ASPSCR1: variants seen among roughly 807,000 people sequenced by gnomAD.
The protein encoded by ASPSCR1 is tether containing UBX domain for GLUT4.
A neutral mutation model predicts 68.9 loss-of-function variants in ASPSCR1; 55 were observed. The ratio of observed to expected loss-of-function variants is 0.80; its 90% CI spans 0.64 to 1.00. The LOEUF is 1.00. Among genes scored for constraint, ASPSCR1 ranks in the 50% least tolerant of loss-of-function variants. The probability of loss-of-function intolerance (pLI) is 0.00; values close to 1 mark genes in which losing one functional copy is unlikely to be tolerated. For missense variants in ASPSCR1, 765 were observed against 762.2 expected, an observed-to-expected ratio of 1.00 and a Z score of -0.04; for synonymous variants, 352 against 332.6, an observed-to-expected ratio of 1.06 and a Z score of -0.63.
In ASPSCR1 at chr17:82,009,539, T is replaced by TA; in HGVS notation, c.1145dup (p.Glu383GlyfsTer126). ...ACCAAGGCCTTCAGGGAGGCGCAGA[T>TA]AAAGGAGAAGCTGGAGCGCTACCCA... is the stretch of plus-strand genomic sequence containing the variant. On this transcript the variant is annotated frameshift_variant, in exon 9 of 16. Transcript: ENST00000306739. LOFTEE classifies it high-confidence loss of function. 1 of 1,437,090 alleles carries TA rather than the reference T, an allele frequency of 7.0e-7. No homozygotes were observed. Among genetic ancestry groups the TA allele is most frequent in the Non-Finnish European group, 9.2e-7 (1 of 1,087,498 alleles). 89.0% of individuals were successfully genotyped at this position (1,437,090 alleles called of 1,614,324 possible).
intron 4 of ASPSCR1, among the ~76,000 whole-genome samples, chr17:81,989,681 C>T (rs541967579): frequency 5.5e-4 from 83 of 152,256 alleles, no homozygotes; most frequent in African/African-American, 1.9e-3. Context: ...GACACTGCCA[C>T]GTGTTTGAAA....
intron 12 of ASPSCR1, 40 bp downstream of exon 12, chr17:82,012,323 C>A (rs765038456): frequency 6.3e-6 from 10 of 1,596,142 alleles, no homozygotes; most frequent in Non-Finnish European, 8.6e-6. Flanking sequence ...GGGCGGGGCC[C>A]TCCAGGGAGG....
intron 4 of ASPSCR1, among the ~76,000 whole-genome samples, chr17:81,989,336 A>AGGGTG (rs2042090019): frequency 6.6e-6 from 1 of 152,180 alleles, no homozygotes; most frequent in Non-Finnish European, 1.5e-5. Flanking sequence ...CCCCACGGTG[A>AGGGTG]GGGTGGAGTG....
intron 4 of ASPSCR1, among the ~76,000 whole-genome samples, chr17:81,991,621 G>C (rs927423398): frequency 1.3e-5 from 2 of 152,166 alleles, no homozygotes; most frequent in Admixed American, 1.3e-4. Flanking sequence ...GTCCATCCTT[G>C]TCCATCCCTG....
At chr17:82,012,721 C>T (rs1409354422) in intron 12 of ASPSCR1, among the ~76,000 whole-genome samples, 4 of 152,192 alleles carry the variant, frequency 2.6e-5, no homozygotes, top group East Asian at 3.9e-4. Flanking sequence ...TCCCCCTGCC[C>T]GGCCTCTCCC....
intron 3 of ASPSCR1, among the ~76,000 whole-genome samples, chr17:81,985,130 A>G (rs1209194957): frequency 1.4e-5 from 2 of 146,132 alleles, no homozygotes; most frequent in Non-Finnish European, 3.0e-5. Context: ...GTAAACATGC[A>G]CACACACGCA....
Position 81,977,974 on chromosome 17 carries a change from C to T in ASPSCR1, c.102+226C>T, listed in dbSNP as rs945392003. On this transcript the variant is annotated intron_variant, in intron 1 of 15. Transcript: ENST00000306739. The surrounding 1 kb of genome is among the most constrained non-coding windows in gnomAD (Gnocchi z 5.0). ...GGGGCGGGGCGGTGGCGAGCCTTCCCAGGGGTGAGGTAGAACGGCGCCGCG... is the reference window on the plus strand; with the variant it reads ...GGGGCGGGGCGGTGGCGAGCCTTCCTAGGGGTGAGGTAGAACGGCGCCGCG... 3.4e-6 allele frequency: 1 copy of T among 296,774 alleles called. No homozygotes were observed. Among genetic ancestry groups the T allele is most frequent in the African/African-American group, 2.2e-5 (1 of 45,154 alleles). The allele number at this position is 296,774 out of a possible 1,614,324, so 18.4% of individuals were successfully genotyped here.
chr17:81,994,780 C>G lies in ASPSCR1; in HGVS notation c.375-41C>G, dbSNP rs1015526005. The G allele has an allele frequency of 2.5e-6, 4 of 1,600,280 alleles. No individual in the cohort carries two copies. In the African/African-American group the frequency reaches 5.4e-5, roughly 21 times the overall value. ...CAGGGCCTCCGTGGCACTGGTTGAG[C>G]TGCCCTGGGGTACCTGATGGTTTCT... is the stretch of plus-strand genomic sequence containing the variant. On this transcript the variant is annotated intron_variant, in intron 4 of 15. Transcript: ENST00000306739.
At position 82,009,025 on chromosome 17, in the gene ASPSCR1, C is replaced by T. The variant is rs1229504427; in HGVS notation, c.934-12C>T. On this transcript the variant is annotated splice_polypyrimidine_tract_variant and intron_variant, in intron 7 of 15. Coordinates refer to ENST00000306739, the MANE Select transcript of ASPSCR1 (RefSeq NM_024083.4). ...CGTGACACCCGCCGTCAGCCGCGCC[C>T]TCTGCCTCCAGCCCGTGGACCGGGA... 16 of 1,513,614 alleles carry T rather than the reference C, an allele frequency of 1.1e-5. No individual in the cohort carries two copies. The highest frequency in any genetic ancestry group is 1.2e-5 in the Non-Finnish European group (14 of 1,127,548). The allele number at this position is 1,513,614 out of a possible 1,614,324, so 93.8% of individuals were successfully genotyped here.
intron 4 of ASPSCR1, among the ~76,000 whole-genome samples, chr17:81,989,068 T>C (rs2144021926): frequency 6.6e-6 from 1 of 151,886 alleles, no homozygotes; most frequent in African/African-American, 2.4e-5. Flanking sequence ...AGCAGCTGGG[T>C]GTGGTGGTGA....
intron 12 of ASPSCR1, chr17:82,016,205 C>T (rs1479087688): frequency 1.9e-6 from 1 of 515,302 alleles, no homozygotes; most frequent in African/African-American, 1.9e-5. Flanking sequence ...GGTGATGCTG[C>T]ATGGCTTGAG....
intron 11 of ASPSCR1, 57 bp from the exon 12 acceptor site, chr17:82,012,174 G>A (rs778978508): frequency 1.0e-5 from 16 of 1,562,816 alleles, no homozygotes; most frequent in East Asian, 9.0e-5. Context: ...TCCTTCGGGC[G>A]CATGGATGGG....
chr17:81,984,820 C>CGTACACACCCCCACACACCCCT (rs2041914681), intron 3 of ASPSCR1, among the ~76,000 whole-genome samples: 1 of 144,994 alleles, frequency 6.9e-6, no homozygotes, highest in Admixed American at 6.9e-5. Flanking sequence ...CCCGCACACC[C>CGTACACACCCCCACACACCCCT]GTACACACCC....
intron 10 of ASPSCR1, 151 bp from the exon 11 acceptor site, chr17:82,011,392 C>G: frequency 4.0e-6 from 3 of 759,488 alleles, no homozygotes; most frequent in South Asian, 3.8e-5. Context: ...CCAGCCACGC[C>G]GAGCACCTGG....
intron 3 of ASPSCR1, among the ~76,000 whole-genome samples, chr17:81,985,256 A>G (rs1313897623): frequency 6.6e-6 from 1 of 151,748 alleles, no homozygotes; most frequent in African/African-American, 2.4e-5. Flanking sequence ...ACATATGCAC[A>G]CACGCACGCA....
rs542132203 is a variant in ASPSCR1 at position 81,990,801 on chromosome 17, T to C, written c.375-4020T>C. On this transcript the variant is annotated intron_variant, in intron 4 of 15. Coordinates refer to ENST00000306739, the MANE Select transcript of ASPSCR1 (RefSeq NM_024083.4). The surrounding 1 kb of genome is among the most constrained non-coding windows in gnomAD (Gnocchi z 4.1). The stretch of plus-strand genomic sequence containing the variant: ...TTTGCTGGGGTACAGATTGTTATGC[T>C]AACGGGTTTCCTATGAGGAGTTTCT... Among the ~76,000 whole-genome samples the C allele has an allele frequency of 6.6e-6, 1 of 152,292 alleles. No individual in the cohort carries two copies. The highest frequency in any genetic ancestry group is 2.1e-4 in the South Asian group (1 of 4,830).
intron 2 of ASPSCR1, among the ~76,000 whole-genome samples, chr17:81,982,104 G>A (rs1274415221): frequency 1.3e-5 from 2 of 151,684 alleles, no homozygotes; most frequent in Admixed American, 1.3e-4. Context: ...GAGTAGCTGG[G>A]ACTACAGGCC....
At chr17:81,982,665 T>G (rs1409466285) in intron 2 of ASPSCR1, 1 of 152,252 alleles carries the variant, frequency 6.6e-6, no homozygotes, top group Non-Finnish European at 1.5e-5. Flanking sequence ...GACAGCAGCT[T>G]GCATTTCCAA....
At chr17:81,994,963 T>C in intron 5 of ASPSCR1, 85 bp downstream of exon 5, 1 of 1,393,528 alleles carries the variant, frequency 7.2e-7, no homozygotes. Context: ...CGCAGCCGTC[T>C]CCAGGGCAGT....
Sources: gnomAD v4.1 joint callset for allele counts (sites outside exome capture counted in the v4.1 genomes callset) on GRCh38, gnomAD v4.1.1 for gene constraint, Gnocchi (gnomAD v3.1) non-coding constraint, MANE v1.5 for transcripts, NCBI Gene and HGNC (gene_info 2026-07-23, HGNC 2026-07-21) for gene names.